The following EPHA6 variants were observed in gnomAD, a reference collection of about 807,000 sequenced individuals.
EPHA6 encodes EPH receptor A6, also known as ephrin type-A receptor 6.
A neutral mutation model predicts 112.0 loss-of-function variants in EPHA6; 50 were observed. The observed-to-expected ratio is 0.45, with a 90% CI of 0.36 to 0.56. The LOEUF is 0.56. EPHA6 is among the 20% of genes least tolerant of loss of function. EPHA6 has a pLI of 0.00. For missense variants in EPHA6, 1,280 were observed against 1,417.4 expected (o/e 0.90, Z 1.56); for synonymous variants, 529 against 490.7 (o/e 1.08, Z -1.03).
chr3:96,853,360 C>T (rs1002468128), intron 1 of EPHA6, among the ~76,000 whole-genome samples: 1 of 151,870 alleles, frequency 6.6e-6, no homozygotes, highest in Non-Finnish European at 1.5e-5. Context: ...CAGTGGGATC[C>T]CTATATTTAA....
At chr3:97,083,434 C>G (rs1469651092) in intron 3 of EPHA6, among the ~76,000 whole-genome samples, 2 of 151,992 alleles carry the variant, frequency 1.3e-5, no homozygotes, top group Non-Finnish European at 2.9e-5. Context: ...GGACAGTCCT[C>G]TCTTTTTTAT....
chr3:97,387,288 T>C (rs548411083), intron 5 of EPHA6, among the ~76,000 whole-genome samples: 39 of 152,070 alleles, frequency 2.6e-4, no homozygotes, highest in Non-Finnish European at 4.9e-4. Flanking sequence ...CAACTTCTGC[T>C]TCCCTTTTAA....
At chr3:97,076,460 G>T (rs1384091039) in intron 3 of EPHA6, among the ~76,000 whole-genome samples, 2 of 152,140 alleles carry the variant, frequency 1.3e-5, no homozygotes, top group African/African-American at 4.8e-5. Flanking sequence ...GTTGGAAGCT[G>T]ACAGAGATTG....
chr3:96,940,351 A>G (rs988121365), intron 2 of EPHA6, among the ~76,000 whole-genome samples: 1 of 152,172 alleles, frequency 6.6e-6, no homozygotes, highest in African/African-American at 2.4e-5. Context: ...ACCATTATGT[A>G]ATGGCCTTAT....
chr3:97,116,248 T>C (rs757462566), intron 3 of EPHA6, among the ~76,000 whole-genome samples: 5 of 151,764 alleles, frequency 3.3e-5, no homozygotes, highest in Non-Finnish European at 5.9e-5. Flanking sequence ...AAAATATGTA[T>C]ATTTTTAATG....
At chr3:97,388,125 T>C (rs1373773865) in intron 5 of EPHA6, among the ~76,000 whole-genome samples, 1 of 152,198 alleles carries the variant, frequency 6.6e-6, no homozygotes, top group African/African-American at 2.4e-5. Flanking sequence ...ATGAGATTTG[T>C]ATGTGTACAT....
intron 3 of EPHA6, among the ~76,000 whole-genome samples, chr3:97,031,530 T>G (rs1366856105): frequency 6.6e-6 from 1 of 151,468 alleles, no homozygotes; most frequent in Admixed American, 6.6e-5. Flanking sequence ...TGGGAGAAAA[T>G]TTTTGCAACC....
Position 97,720,405 on chromosome 3 carries a change from C to G in EPHA6, c.2929C>G (p.Gln977Glu), listed in dbSNP as rs373220453. 83 of 1,595,450 alleles carry G rather than the reference C, an allele frequency of 5.2e-5. No individual in the cohort carries two copies. Among genetic ancestry groups the G allele is most frequent in the Non-Finnish European group, 6.9e-5 (81 of 1,172,634 alleles). ...GAGACCTTATTGGGAAATGTCTAAC[C>G]AAGATGTAAGTGCTACCGATAGTTA... ...GERPYWEMSN[Q>E]DVILSIEEGY... is the part of the protein sequence containing the mutation. The change falls in exon 15 of 18, where the codon CAA becomes GAA. Residue 977 changes from glutamine (Q) to glutamate (E), a missense_variant. Physicochemically the swap from Gln to Glu is conservative, Grantham distance 29 (BLOSUM62 2). Coordinates refer to ENST00000389672, the MANE Select transcript of EPHA6 (RefSeq NM_001080448.3).
chr3:97,119,446 G>A lies in EPHA6; in HGVS notation c.1115-106818G>A, dbSNP rs554903303. Among the ~76,000 whole-genome samples the A allele has an allele frequency of 4.6e-5, 7 of 152,032 alleles. No individual in the cohort carries two copies. The East Asian group carries it at 1.4e-3, about 29-fold the overall frequency. On this transcript the variant is annotated intron_variant, in intron 3 of 17. Coordinates refer to ENST00000389672, the MANE Select transcript of EPHA6 (RefSeq NM_001080448.3). ...AGGTCCATCAACTAGTGAGATAGGAGGCAGTGTCTCCATGAAGACCAGAAG... is the reference window on the plus strand; with the variant it reads ...AGGTCCATCAACTAGTGAGATAGGAAGCAGTGTCTCCATGAAGACCAGAAG...
intron 3 of EPHA6, among the ~76,000 whole-genome samples, chr3:97,043,916 G>T (rs1488619677): frequency 6.6e-6 from 1 of 152,130 alleles, no homozygotes; most frequent in Non-Finnish European, 1.5e-5. Context: ...GAAGGAATTT[G>T]TCCACACTGG....
intron 14 of EPHA6, among the ~76,000 whole-genome samples, chr3:97,682,717 G>A (rs577519120): frequency 6.6e-6 from 1 of 152,234 alleles, no homozygotes; most frequent in East Asian, 1.9e-4. Flanking sequence ...AGCCCACCGT[G>A]CACAGTATAT....
At chr3:97,082,025 CTT>C (rs927219675) in intron 3 of EPHA6, among the ~76,000 whole-genome samples, 4 of 151,230 alleles carry the variant, frequency 2.6e-5, no homozygotes, top group South Asian at 2.1e-4. Flanking sequence ...TAAAAATTGT[CTT>C]TGTTTTTTAA....
At chr3:97,347,244 A>C (rs2108880772) in intron 5 of EPHA6, among the ~76,000 whole-genome samples, 1 of 152,024 alleles carries the variant, frequency 6.6e-6, no homozygotes, top group South Asian at 2.1e-4. Flanking sequence ...AATTTACTTC[A>C]CTTTATCCAC....
At chr3:97,452,717 A>G (rs985033098) in intron 7 of EPHA6, among the ~76,000 whole-genome samples, 5 of 151,714 alleles carry the variant, frequency 3.3e-5, no homozygotes, top group African/African-American at 1.2e-4. Context: ...AATTTTCTCA[A>G]GATTAAAATA....
At chr3:97,146,761 A>T (rs2076052873) in intron 3 of EPHA6, among the ~76,000 whole-genome samples, 1 of 151,586 alleles carries the variant, frequency 6.6e-6, no homozygotes, top group Admixed American at 6.6e-5. Context: ...TTTTGTCTTG[A>T]TTATACTAAC....
In EPHA6 at chr3:97,129,351, A is replaced by C. The variant is rs971735230; in HGVS notation, c.1115-96913A>C. On this transcript the variant is annotated intron_variant, in intron 3 of 17. Coordinates refer to ENST00000389672, the MANE Select transcript of EPHA6 (RefSeq NM_001080448.3). ...TGTCTCTACCAAGAACACACAAAAA[A>C]ATTAGCCAGGCGTGGTGGAGGGTGC... 2.6e-5 allele frequency among the ~76,000 whole-genome samples: 4 copies of C among 151,972 alleles called. No individual in the cohort carries two copies. In the South Asian group the frequency reaches 6.2e-4, roughly 24 times the overall value.
chr3:96,988,941 A>G (rs2043119104), intron 3 of EPHA6, among the ~76,000 whole-genome samples: 1 of 152,078 alleles, frequency 6.6e-6, no homozygotes, highest in Non-Finnish European at 1.5e-5. Context: ...AATTTTATAT[A>G]CCCCCTAATA....
chr3:97,264,184 G>T (rs2079596127), intron 5 of EPHA6, among the ~76,000 whole-genome samples: 1 of 152,178 alleles, frequency 6.6e-6, no homozygotes, highest in South Asian at 2.1e-4. Flanking sequence ...TTTTGCTCAG[G>T]CCCACTAGGC....
intron 3 of EPHA6, among the ~76,000 whole-genome samples, chr3:97,146,159 T>C (rs1385541931): frequency 6.6e-6 from 1 of 151,922 alleles, no homozygotes; most frequent in East Asian, 1.9e-4. Context: ...GTAGTGTTGG[T>C]CTTTCTCTCA....
Sources: allele counts gnomAD v4.1 joint callset (sites outside exome capture counted in the v4.1 genomes callset), GRCh38; gene constraint gnomAD v4.1.1; transcripts MANE v1.5; gene names NCBI Gene and HGNC (gene_info 2026-07-23, HGNC 2026-07-21).